Variants in LIPA observed in about 807,000 individuals in gnomAD.
LIPA encodes the protein lipase A, lysosomal acid type, also known as lysosomal acid lipase/cholesteryl ester hydrolase.
LIPA carries 26 observed loss-of-function variants against 40.6 expected under a neutral mutation model. That is an observed-to-expected ratio of 0.64 (90% confidence interval 0.47 to 0.89). The LOEUF is 0.89. Among genes scored for constraint, LIPA ranks in the 40% least tolerant of loss-of-function variants. The pLI, the probability that LIPA is intolerant of heterozygous loss-of-function variation, is 0.00. For synonymous variants in LIPA, 188 were observed against 168.4 expected (o/e 1.12, Z -0.90); for missense variants, 455 against 479.6 (o/e 0.95, Z 0.48).
At chr10:89,224,724 G>C (rs557225995) in intron 6 of LIPA, among the ~76,000 whole-genome samples, 1 of 152,068 alleles carries the variant, frequency 6.6e-6, no homozygotes, top group South Asian at 2.1e-4. Flanking sequence ...TGGGCTTTTG[G>C]GAACATTTCC....
At chr10:89,300,909 G>T (rs1843441693) in intron 1 of LIPA, among the ~76,000 whole-genome samples, 1 of 152,146 alleles carries the variant, frequency 6.6e-6, no homozygotes, top group South Asian at 2.1e-4. Flanking sequence ...CTTGAACCAG[G>T]GAGGTGGAGG....
intron 1 of LIPA, among the ~76,000 whole-genome samples, chr10:89,265,280 C>T (rs1843229957): frequency 1.3e-5 from 2 of 152,252 alleles, no homozygotes; most frequent in East Asian, 1.9e-4. Flanking sequence ...TCTGCAGCTA[C>T]AGCTGGGCAG....
At chr10:89,397,147 G>C (rs532164866) in intron 2 of LIPA, among the ~76,000 whole-genome samples, 104 of 152,096 alleles carry the variant, frequency 6.8e-4, no homozygotes, top group African/African-American at 2.2e-3. Context: ...ATATTCTATG[G>C]TATAGATATA....
upstream of LIPA, among the ~76,000 whole-genome samples, chr10:89,345,132 A>G (rs1843907982): frequency 6.6e-6 from 1 of 151,926 alleles, no homozygotes; most frequent in South Asian, 2.1e-4. Context: ...GCACCACTGC[A>G]CTCCAGCCTG....
At chr10:89,403,863 C>A in intron 2 of LIPA, 1 of 575,668 alleles carries the variant, frequency 1.7e-6, no homozygotes, top group South Asian at 2.5e-5. Flanking sequence ...TAGTTGTGTT[C>A]AACAATTAGT....
chr10:89,357,807 G>C (rs1450111583), intron 2 of LIPA, among the ~76,000 whole-genome samples: 1 of 152,004 alleles, frequency 6.6e-6, no homozygotes, highest in Admixed American at 6.6e-5. Flanking sequence ...CAATGCTTGG[G>C]GTTTTGTTGT....
chr10:89,277,054 G>C (rs1434010610), intron 1 of LIPA, among the ~76,000 whole-genome samples: 1 of 152,114 alleles, frequency 6.6e-6, no homozygotes, highest in African/African-American at 2.4e-5. Flanking sequence ...CCTAATGGCT[G>C]TTTTTATTAG....
At chr10:89,262,223 C>T (rs981875087) in intron 1 of LIPA, among the ~76,000 whole-genome samples, 3 of 151,672 alleles carry the variant, frequency 2.0e-5, no homozygotes, top group African/African-American at 4.8e-5. Context: ...ATGGACTGAA[C>T]GTTCCAAAAA....
intron 1 of LIPA, among the ~76,000 whole-genome samples, chr10:89,279,912 T>C (rs1416971703): frequency 2.0e-5 from 3 of 152,188 alleles, no homozygotes; most frequent in Non-Finnish European, 4.4e-5. Context: ...CCGGAATGCA[T>C]CGTATTGAAA....
At chr10:89,216,918 T>G (rs1438320358) in intron 8 of LIPA, among the ~76,000 whole-genome samples, 3 of 152,242 alleles carry the variant, frequency 2.0e-5, no homozygotes, top group Non-Finnish European at 2.9e-5. Context: ...CAAGTAGTAC[T>G]GCATGCCAGC....
intron 1 of LIPA, chr10:89,308,500 A>G (rs762935956): frequency 3.9e-5 from 6 of 152,216 alleles, no homozygotes; most frequent in Non-Finnish European, 7.3e-5. Flanking sequence ...GTTGGATATT[A>G]AGTGATATAA....
At chr10:89,384,960 A>T in intron 2 of LIPA, 1 of 515,138 alleles carries the variant, frequency 1.9e-6, no homozygotes, top group Non-Finnish European at 3.4e-6. Flanking sequence ...ACCCCCTGAA[A>T]GTATCATCCC....
chr10:89,283,193 T>C (rs1023794114), intron 1 of LIPA, among the ~76,000 whole-genome samples: 4 of 152,198 alleles, frequency 2.6e-5, no homozygotes, highest in Admixed American at 2.6e-4. Flanking sequence ...CAATCAAAGG[T>C]GGCCAACCAT....
intron 2 of LIPA, among the ~76,000 whole-genome samples, chr10:89,400,966 T>TC (rs1844412803): frequency 6.6e-6 from 1 of 152,098 alleles, no homozygotes; most frequent in African/African-American, 2.4e-5. Flanking sequence ...GTTTTTTTTT[T>TC]CATAAAGGGT....
At chr10:89,347,321 C>G (rs923754234), upstream of LIPA, among the ~76,000 whole-genome samples, 2 of 152,192 alleles carry the variant, frequency 1.3e-5, no homozygotes, top group Non-Finnish European at 2.9e-5. Context: ...CATGTATGCA[C>G]CCTCTGCCTA....
intron 1 of LIPA, chr10:89,277,951 C>T (rs967704193): frequency 2.0e-5 from 3 of 152,100 alleles, no homozygotes; most frequent in Admixed American, 6.5e-5. Flanking sequence ...ACAAAGGTAA[C>T]TTGGAAACAC....
intron 2 of LIPA, among the ~76,000 whole-genome samples, chr10:89,407,669 G>A (rs903471881): frequency 5.3e-5 from 8 of 152,094 alleles, no homozygotes; most frequent in African/African-American, 1.9e-4. Context: ...CTTCATTTTT[G>A]GGGCATAACA....
At chr10:89,245,618 G>C in intron 3 of LIPA, 58 bp downstream of exon 3, 4 of 856,232 alleles carry the variant, frequency 4.7e-6, no homozygotes, top group East Asian at 4.8e-5. Flanking sequence ...TCTGAACTTG[G>C]TTACTAACAC....
intron 8 of LIPA, among the ~76,000 whole-genome samples, chr10:89,216,719 T>C (rs141482281): frequency 9.3e-4 from 141 of 152,314 alleles, no homozygotes; most frequent in African/African-American, 3.1e-3. Flanking sequence ...TACATCATTT[T>C]ATATAAGGGA....
Sources: gnomAD v4.1 joint callset for allele counts (sites outside exome capture counted in the v4.1 genomes callset) on GRCh38, gnomAD v4.1.1 for gene constraint, MANE v1.5 for transcripts, NCBI Gene and HGNC (gene_info 2026-07-23, HGNC 2026-07-21) for gene names.